Variants in GIMAP8 observed in about 807,000 individuals in gnomAD.
GIMAP8 encodes GTPase, IMAP family member 8.
A neutral mutation model predicts 35.6 loss-of-function variants in GIMAP8; 29 were observed. The observed-to-expected ratio is 0.81, with a 90% CI of 0.61 to 1.11. GIMAP8 has a LOEUF of 1.11. Ranked by LOEUF, GIMAP8 falls within the 50% of genes most tolerant of loss-of-function variation. GIMAP8 has a pLI of 0.00. For missense variants in GIMAP8, 811 were observed against 805.0 expected, an observed-to-expected ratio of 1.01 and a Z score of -0.09; for synonymous variants, 335 against 308.7, an observed-to-expected ratio of 1.09 and a Z score of -0.89.
chr7:150,462,024 G>A (rs1194581612), intron 1 of GIMAP8, among the ~76,000 whole-genome samples: 1 of 152,220 alleles, frequency 6.6e-6, no homozygotes, highest in East Asian at 1.9e-4. Context: ...GTGGAGTTAG[G>A]AGCAGTGTTT....
chr7:150,459,923 A>G lies in GIMAP8; in HGVS notation c.-28-6748A>G, dbSNP rs563899843. ...ATTCAGAGTAAGTGTCTATTTTGAT[A>G]AGAACAAAACACTCCCTCTTTCATG... On this transcript the variant is annotated intron_variant, in intron 1 of 4. Transcript: ENST00000307271. Among the ~76,000 whole-genome samples the G allele has an allele frequency of 2.6e-5, 4 of 152,368 alleles. No homozygotes were observed. The South Asian group carries it at 8.3e-4, about 32-fold the overall frequency.
In GIMAP8 at chr7:150,477,937, G is replaced by A; in HGVS notation, c.*157G>A. 1.6e-6 allele frequency: 1 copy of A among 607,262 alleles called. No individual in the cohort carries two copies. The highest frequency in any genetic ancestry group is 2.9e-6 in the Non-Finnish European group (1 of 344,804). 37.6% of individuals were successfully genotyped at this position (607,262 alleles called of 1,614,324 possible). Reference sequence around the variant, plus strand: ...CCTTGTGATGTATCAGCTATTTGTAGATAAATAAATTGCAGGTGGGGGCGA... The same window carrying A: ...CCTTGTGATGTATCAGCTATTTGTAAATAAATAAATTGCAGGTGGGGGCGA... On this transcript the variant is annotated 3_prime_UTR_variant, in exon 5 of 5. Transcript: ENST00000307271.
At chr7:150,458,367 C>T (rs1024978564) in intron 1 of GIMAP8, among the ~76,000 whole-genome samples, 2 of 152,176 alleles carry the variant, frequency 1.3e-5, no homozygotes, top group African/African-American at 2.4e-5. Flanking sequence ...TTGCTTGGGG[C>T]AGGTAAGCCT....
chr7:150,470,496 A>G (rs1802063698), intron 2 of GIMAP8, among the ~76,000 whole-genome samples: 1 of 151,702 alleles, frequency 6.6e-6, no homozygotes, highest in Admixed American at 6.6e-5. Context: ...GGGGTGGGGA[A>G]CGGGATTCCA....
In GIMAP8 at chr7:150,477,338, C is replaced by T; in HGVS notation, c.1556C>T (p.Ser519Phe). 1 of 1,614,182 alleles carries T rather than the reference C, an allele frequency of 6.2e-7. No homozygotes were observed. The highest frequency in any genetic ancestry group is 1.1e-5 in the South Asian group (1 of 91,082). Residue 519 changes from serine (S) to phenylalanine (F), a missense_variant, in exon 5 of 5, where the codon TCC (serine) becomes TTC (phenylalanine). By Grantham distance (155) the Ser-to-Phe change is radical. Coordinates refer to ENST00000307271, the MANE Select transcript of GIMAP8 (RefSeq NM_175571.4). ...RLEEEVKRCLSCCEKGDTFFV... is the reference protein window; with the variant it reads ...RLEEEVKRCLFCCEKGDTFFV... ...GAAGAGGAGGTCAAGCGCTGTTTGT[C>T]CTGCTGTGAAAAAGGGGACACATTT...
Position 150,467,056 on chromosome 7 carries a change from G to A in GIMAP8, c.358G>A (p.Val120Met). ...GGAAACAGCCAAGGGCATCCAACAA[G>A]TGTTTGGAGCTGAAGCCAGGAGGCA... ...DEETAKGIQQ[V>M]FGAEARRHII... is the part of the protein sequence containing the mutation. Residue 120 changes from valine to methionine, a missense_variant, in exon 2 of 5, where the codon GTG becomes ATG. Physicochemically the swap from Val to Met is conservative, Grantham distance 21. Transcript: ENST00000307271. The A allele has an allele frequency of 6.2e-7, 1 of 1,614,208 alleles. No homozygotes were observed. Among genetic ancestry groups the A allele is most frequent in the South Asian group, 1.1e-5 (1 of 91,090 alleles).
chr7:150,477,654 G>A lies in GIMAP8; in HGVS notation c.1872G>A (p.Leu624=). The A allele has an allele frequency of 6.2e-7, 1 of 1,614,206 alleles. No individual in the cohort carries two copies. Among genetic ancestry groups the A allele is most frequent in the Non-Finnish European group, 8.5e-7 (1 of 1,180,042 alleles). Residue 624 remains leucine (L), a synonymous_variant, in exon 5 of 5, where the codon CTG becomes CTA. Coordinates refer to ENST00000307271, the MANE Select transcript of GIMAP8 (RefSeq NM_175571.4). ...CTCTTTTAACAAAGGTCAATGATCT[G>A]AGAAAAGAAAGTGGGTGGTCCGGGT... The part of the protein sequence containing the change: ...VKALLTKVND[L]RKESGWSGYP...
chr7:150,456,127 G>A (rs1233029403), intron 1 of GIMAP8, among the ~76,000 whole-genome samples: 15 of 152,122 alleles, frequency 9.9e-5, no homozygotes, highest in Admixed American at 8.5e-4. Flanking sequence ...TCATGTAACT[G>A]TCATCTGGTA....
rs1801604200 is a variant in GIMAP8 at position 150,451,379 on chromosome 7, T to G, written c.-29+204T>G. ...CTCAGCCATGGGAGAGGAGGCTGGG[T>G]TGAATGGCAGGGTTGAATGGCAGAG... On this transcript the variant is annotated intron_variant, in intron 1 of 4. Coordinates refer to ENST00000307271, the MANE Select transcript of GIMAP8 (RefSeq NM_175571.4). This position sits in a 1 kb window ranked among gnomAD's most constrained non-coding sequence, Gnocchi z 4.1. Among the ~76,000 whole-genome samples the G allele has an allele frequency of 8.8e-6, 1 of 113,272 alleles. No homozygotes were observed. Among genetic ancestry groups the G allele is most frequent in the African/African-American group, 2.8e-5 (1 of 36,324 alleles). 74.3% of individuals were successfully genotyped at this position (113,272 alleles called of 152,430 possible).
At chr7:150,471,606 G>T (rs552065960) in intron 3 of GIMAP8, among the ~76,000 whole-genome samples, 1 of 152,348 alleles carries the variant, frequency 6.6e-6, no homozygotes, top group Non-Finnish European at 1.5e-5. Flanking sequence ...GGAGGCCGAG[G>T]TGGGTGGATC....
intron 1 of GIMAP8, among the ~76,000 whole-genome samples, chr7:150,466,128 T>C (rs1295238019): frequency 6.6e-6 from 1 of 152,242 alleles, no homozygotes; most frequent in Non-Finnish European, 1.5e-5. Flanking sequence ...TTCTGTGATA[T>C]TATTTTCAGA....
Position 150,478,712 on chromosome 7 carries a change from C to T in GIMAP8, c.*932C>T, listed in dbSNP as rs1042636102. The T allele has an allele frequency of 2.0e-5, 3 of 152,068 alleles. No homozygotes were observed. Among genetic ancestry groups the T allele is most frequent in the African/African-American group, 4.8e-5 (2 of 41,404 alleles). The allele number at this position is 152,068 out of a possible 1,614,324, so 9.4% of individuals were successfully genotyped here. A position where few individuals can be genotyped will look rare whatever the true frequency, so the allele number is the denominator to read the frequency against. ...CTTCCTGTATCTCCTGTCAGGAAGC[C>T]GAGGAATAAGCAGGCTGGGGCTGGT... On this transcript the variant is annotated 3_prime_UTR_variant, in exon 5 of 5. Transcript: ENST00000307271.
At chr7:150,458,440 G>T (rs892096868) in intron 1 of GIMAP8, among the ~76,000 whole-genome samples, 1 of 152,176 alleles carries the variant, frequency 6.6e-6, no homozygotes, top group East Asian at 1.9e-4. Context: ...AGGGCAATCT[G>T]CTTTACTCAG....
intron 2 of GIMAP8, among the ~76,000 whole-genome samples, chr7:150,468,894 A>G (rs1395165922): frequency 2.6e-5 from 4 of 152,162 alleles, no homozygotes; most frequent in African/African-American, 9.7e-5. Context: ...GAGGCTCAAG[A>G]GGGCTGAAGA....
At position 150,470,765 on chromosome 7, in the gene GIMAP8, T is replaced by TG. The variant is rs1040789889; in HGVS notation, c.637-64_637-63insG. ...AATTTCCTTTTTTTTTTTTTTTTTT[T>TG]TTTCAGTTTGTGGAAGATGAGGTTT... On this transcript the variant is annotated intron_variant, in intron 2 of 4. Transcript: ENST00000307271. 11 of 736,870 alleles carry TG rather than the reference T, an allele frequency of 1.5e-5. No individual in the cohort carries two copies. The East Asian group carries it at 1.5e-4, about 10-fold the overall frequency. The allele number at this position is 736,870 out of a possible 1,614,324, so 45.6% of individuals were successfully genotyped here. A position where few individuals can be genotyped will look rare whatever the true frequency, so the allele number is the denominator to read the frequency against.
At chr7:150,470,746 CTTTT>C (rs765100972) in intron 2 of GIMAP8, 79 bp from the exon 3 acceptor site, 626 of 466,544 alleles carry the variant, frequency 1.3e-3, no homozygotes, top group Middle Eastern at 1.5e-3. Context: ...CTTCAATTTC[CTTTT>C]TTTTTTTTTT....
Position 150,452,709 on chromosome 7 carries a change from T to TATACACAC in GIMAP8, c.-29+1535_-29+1536insTACACACA, listed in dbSNP as rs1373884339. Among the ~76,000 whole-genome samples the TATACACAC allele has an allele frequency of 2.9e-3, 311 of 106,616 alleles. 1 individual carries two copies. The highest frequency in any genetic ancestry group is 9.7e-3 in the Middle Eastern group (2 of 206). The allele number at this position is 106,616 out of a possible 152,430, so 69.9% of individuals were successfully genotyped here. On this transcript the variant is annotated intron_variant, in intron 1 of 4. Coordinates refer to ENST00000307271, the MANE Select transcript of GIMAP8 (RefSeq NM_175571.4). ...ATATATATATATATATATATATATA[T>TATACACAC]ACATGCGAGTGGAACTACAGGCACC...
At chr7:150,465,722 A>G (rs576413039) in intron 1 of GIMAP8, among the ~76,000 whole-genome samples, 10 of 152,356 alleles carry the variant, frequency 6.6e-5, no homozygotes, top group Middle Eastern at 6.8e-3. Flanking sequence ...TTGGCACATT[A>G]GCTCAAGAGT....
chr7:150,466,419 T>C (rs1250414888), intron 1 of GIMAP8, among the ~76,000 whole-genome samples: 1 of 148,012 alleles, frequency 6.8e-6, no homozygotes, highest in East Asian at 2.0e-4. Context: ...ATCTGACTTC[T>C]TGTGGTTCCT....
Sources: allele counts gnomAD v4.1 joint callset (sites outside exome capture counted in the v4.1 genomes callset), GRCh38; gene constraint gnomAD v4.1.1; non-coding constraint Gnocchi (gnomAD v3.1); transcripts MANE v1.5; gene names NCBI Gene and HGNC (gene_info 2026-07-23, HGNC 2026-07-21).